ZMYM2: variants seen among roughly 807,000 people sequenced by gnomAD.
ZMYM2 encodes the protein zinc finger MYM-type containing 2, also known as zinc finger MYM-type protein 2.
A neutral mutation model predicts 162.8 loss-of-function variants in ZMYM2; 56 were observed. The ratio of observed to expected loss-of-function variants is 0.34; its 90% CI spans 0.28 to 0.43. The LOEUF (loss-of-function observed/expected upper bound fraction) is 0.43, where lower values mean the gene tolerates loss of function less well. Among genes scored for constraint, ZMYM2 ranks in the 20% least tolerant of loss-of-function variants. The probability of loss-of-function intolerance (pLI) is 1.00; values close to 1 mark genes in which losing one functional copy is unlikely to be tolerated. For missense variants in ZMYM2, 1,275 were observed against 1,621.8 expected (o/e 0.79, Z 3.67); for synonymous variants, 510 against 541.6 (o/e 0.94, Z 0.81).
At chr13:19,900,784 T>C in the ZMYM2 span, among the ~76,000 whole-genome samples, 3 of 152,006 alleles carry the variant, frequency 2.0e-5, no homozygotes, top group African/African-American at 7.2e-5. Flanking sequence ...AAAAGGACTA[T>C]ACGCTTTGGG....
At chr13:19,922,602 T>C in the ZMYM2 span, among the ~76,000 whole-genome samples, 1 of 152,094 alleles carries the variant, frequency 6.6e-6, no homozygotes, top group Non-Finnish European at 1.5e-5. Context: ...CCCAGCACTT[T>C]GGGAGGCCGA....
chr13:19,867,329 G>T, the ZMYM2 span, among the ~76,000 whole-genome samples: 1 of 144,300 alleles, frequency 6.9e-6, no homozygotes, highest in Non-Finnish European at 1.5e-5. Context: ...CAGCCTGGGC[G>T]ACAAGAGCGA....
At chr13:19,959,193 A>ACGGCGGGG (rs1180844321) in intron 1 of ZMYM2, among the ~76,000 whole-genome samples, 6 of 140,588 alleles carry the variant, frequency 4.3e-5, no homozygotes, top group African/African-American at 7.8e-5. Context: ...GGACGGCGGG[A>ACGGCGGGG]CGGCGGGGCG....
At chr13:20,082,754 C>G in intron 22 of ZMYM2, 27 bp from the exon 23 acceptor site, 1 of 1,478,222 alleles carries the variant, frequency 6.8e-7, no homozygotes, top group Non-Finnish European at 9.0e-7. Context: ...TATTATAATT[C>G]TTTTAAAATA....
chr13:20,057,160 T>C (rs1236744362), intron 14 of ZMYM2, among the ~76,000 whole-genome samples: 1 of 152,238 alleles, frequency 6.6e-6, no homozygotes, highest in Non-Finnish European at 1.5e-5. Flanking sequence ...TAGAGTGCAG[T>C]GGCAATATCT....
At position 19,958,786 on chromosome 13, in the gene ZMYM2, A is replaced by AG. The variant is rs1211620152; in HGVS notation, c.-129dup. ...CGAGCGGAGTTGTGCGTGTCGCCGA[A>AG]GGGGGGTGGGCCGGGGGAGGGGAGG... On this transcript the variant is annotated 5_prime_UTR_variant, in exon 1 of 25. Coordinates refer to ENST00000610343, the MANE Select transcript of ZMYM2 (RefSeq NM_197968.4). 2.6e-5 allele frequency: 2 copies of AG among 78,352 alleles called. No homozygotes were observed. Among genetic ancestry groups the AG allele is most frequent in the East Asian group, 8.2e-4 (2 of 2,428 alleles). The allele number at this position is 78,352 out of a possible 1,614,324, so 4.9% of individuals were successfully genotyped here.
chr13:19,913,377 G>A, the ZMYM2 span, among the ~76,000 whole-genome samples: 3 of 152,076 alleles, frequency 2.0e-5, no homozygotes, highest in Non-Finnish European at 4.4e-5. Context: ...GTGTACAGCA[G>A]CATTCCATCA....
the ZMYM2 span, among the ~76,000 whole-genome samples, chr13:19,870,658 G>T: frequency 4.8e-3 from 722 of 150,040 alleles, 8 homozygotes; most frequent in African/African-American, 0.017. Context: ...AGGCTGGTGT[G>T]CAGTGGCACA....
At chr13:20,028,636 G>A (rs1952792594) in intron 9 of ZMYM2, among the ~76,000 whole-genome samples, 1 of 152,098 alleles carries the variant, frequency 6.6e-6, no homozygotes, top group Admixed American at 6.6e-5. Flanking sequence ...ATATGGCATA[G>A]TATTTGCATG....
At chr13:19,935,437 G>A in the ZMYM2 span, among the ~76,000 whole-genome samples, 2 of 150,738 alleles carry the variant, frequency 1.3e-5, no homozygotes, top group Non-Finnish European at 2.9e-5. Context: ...ACGCACAGCT[G>A]GTGTTTCATT....
In ZMYM2 at chr13:19,968,874, A is replaced by C. The variant is rs928599140; in HGVS notation, c.-11+8848A>C. ...GTGTGTTATGTGTGTTTTTCATGTAAGTTCTCACTGTTCAGTTCAGAGAGG... is the reference window on the plus strand; with the variant it reads ...GTGTGTTATGTGTGTTTTTCATGTACGTTCTCACTGTTCAGTTCAGAGAGG... On this transcript the variant is annotated intron_variant, in intron 2 of 24. Transcript: ENST00000610343. Among the ~76,000 whole-genome samples, 7 of 152,344 alleles carry C rather than the reference A, an allele frequency of 4.6e-5. No homozygotes were observed. In the South Asian group the frequency reaches 1.2e-3, roughly 27 times the overall value.
chr13:20,021,627 C>G (rs1298809239), intron 7 of ZMYM2, among the ~76,000 whole-genome samples: 1 of 152,086 alleles, frequency 6.6e-6, no homozygotes, highest in African/African-American at 2.4e-5. Context: ...CTGGAGAGAT[C>G]TGAATCATCC....
upstream of ZMYM2, among the ~76,000 whole-genome samples, chr13:19,957,949 G>A (rs1252852233): frequency 6.6e-6 from 1 of 152,254 alleles, no homozygotes; most frequent in African/African-American, 2.4e-5. Flanking sequence ...CCGAATGGCA[G>A]AGTCCAGTTG....
At chr13:19,880,798 G>A in the ZMYM2 span, among the ~76,000 whole-genome samples, 1 of 152,226 alleles carries the variant, frequency 6.6e-6, no homozygotes, top group East Asian at 1.9e-4. Flanking sequence ...ACTGACTTTT[G>A]CATGTTGACT....
chr13:19,919,482 ATT>A, the ZMYM2 span, among the ~76,000 whole-genome samples: 1 of 151,692 alleles, frequency 6.6e-6, no homozygotes, highest in Non-Finnish European at 1.5e-5. Flanking sequence ...TGAGAGATCT[ATT>A]TTCTCTGCCT....
chr13:20,083,097 T>C, intron 23 of ZMYM2, 65 bp downstream of exon 23: 1 of 1,453,182 alleles, frequency 6.9e-7, no homozygotes, highest in South Asian at 1.5e-5. Flanking sequence ...AGTTTCACTC[T>C]TGTTGCCCAG....
intron 13 of ZMYM2, among the ~76,000 whole-genome samples, chr13:20,052,003 AT>A (rs1167288180): frequency 1.2e-4 from 18 of 152,140 alleles, no homozygotes; most frequent in Admixed American, 3.3e-4. Flanking sequence ...TTTAAAAAAA[AT>A]ATCATTTAAG....
At chr13:19,942,491 A>G in the ZMYM2 span, among the ~76,000 whole-genome samples, 19 of 151,330 alleles carry the variant, frequency 1.3e-4, no homozygotes, top group Admixed American at 1.2e-3. Context: ...TTGCTTGAGT[A>G]CAGGAGTTTG....
At chr13:19,987,616 T>G (rs1949273326) in intron 2 of ZMYM2, among the ~76,000 whole-genome samples, 1 of 119,560 alleles carries the variant, frequency 8.4e-6, no homozygotes, top group African/African-American at 3.2e-5. Context: ...AGATGGGGTT[T>G]TGTCGTGTGT....
Sources: gnomAD v4.1 joint callset for allele counts (sites outside exome capture counted in the v4.1 genomes callset) on GRCh38, gnomAD v4.1.1 for gene constraint, MANE v1.5 for transcripts, NCBI Gene and HGNC (gene_info 2026-07-23, HGNC 2026-07-21) for gene names.